The following ESCO1 variants were observed in gnomAD, a reference collection of about 807,000 sequenced individuals.
ESCO1 encodes the protein N-acetyltransferase ESCO1.
ESCO1 carries 33 observed loss-of-function variants against 83.5 expected under a neutral mutation model. The observed-to-expected ratio is 0.40, with a 90% CI of 0.30 to 0.53. The LOEUF (loss-of-function observed/expected upper bound fraction) is 0.53, where lower values mean the gene tolerates loss of function less well. Among genes scored for constraint, ESCO1 ranks in the 20% least tolerant of loss-of-function variants. The pLI, the probability that ESCO1 is intolerant of heterozygous loss-of-function variation, is 0.63. For synonymous variants in ESCO1, 332 were observed against 324.3 expected (o/e 1.02, Z -0.25); for missense variants, 855 against 968.0 (o/e 0.88, Z 1.55).
intron 1 of ESCO1, among the ~76,000 whole-genome samples, chr18:21,592,307 A>C (rs2038683463): frequency 7.0e-6 from 1 of 143,012 alleles, no homozygotes; most frequent in Non-Finnish European, 1.5e-5. Context: ...GGGGCTCCTC[A>C]CTTCCCAGTA....
intron 8 of ESCO1, among the ~76,000 whole-genome samples, chr18:21,555,438 CAGT>C (rs1288676166): frequency 1.3e-5 from 2 of 152,090 alleles, no homozygotes; most frequent in Non-Finnish European, 2.9e-5. Context: ...GTAGGTTCAC[CAGT>C]TATAACAAAT....
intron 11 of ESCO1, among the ~76,000 whole-genome samples, chr18:21,531,893 C>CAAAAAAAA (rs10646843): frequency 1.2e-5 from 1 of 81,992 alleles, no homozygotes; most frequent in South Asian, 5.8e-4. Flanking sequence ...GACTCCATCT[C>CAAAAAAAA]AAAAAAAAAA....
intron 8 of ESCO1, among the ~76,000 whole-genome samples, chr18:21,544,521 TGG>T (rs774202385): frequency 1.6e-4 from 24 of 150,750 alleles, no homozygotes; most frequent in Non-Finnish European, 2.5e-4. Context: ...CCCAGCTACT[TGG>T]GAGGCTGAGG....
intron 8 of ESCO1, among the ~76,000 whole-genome samples, chr18:21,558,566 T>A (rs190521187): frequency 2.0e-5 from 3 of 151,902 alleles, no homozygotes; most frequent in Non-Finnish European, 4.4e-5. Flanking sequence ...CCATCTCTAC[T>A]AAAAATACAA....
Position 21,573,306 on chromosome 18 carries a change from C to G in ESCO1, c.1530+8G>C. 1 of 1,555,078 alleles carries G rather than the reference C, an allele frequency of 6.4e-7. No homozygotes were observed. The highest frequency in any genetic ancestry group is 8.6e-7 in the Non-Finnish European group (1 of 1,159,698). Reference sequence around the variant, plus strand: ...GCACCTCTATTGTGCATAATAAAAACAGATTACCTTATTTGATGCTGAATC... The same window carrying G: ...GCACCTCTATTGTGCATAATAAAAAGAGATTACCTTATTTGATGCTGAATC... On this transcript the variant is annotated splice_region_variant and intron_variant, in intron 4 of 11. Transcript: ENST00000269214.
chr18:21,576,206 A>G, intron 2 of ESCO1, among the ~76,000 whole-genome samples: 1 of 152,222 alleles, frequency 6.6e-6, no homozygotes, highest in South Asian at 2.1e-4. Context: ...AAAAAGCAAT[A>G]GAGGGACTAA....
chr18:21,563,743 C>T, intron 7 of ESCO1, among the ~76,000 whole-genome samples: 1 of 152,086 alleles, frequency 6.6e-6, no homozygotes, highest in East Asian at 1.9e-4. Context: ...AAATACAATG[C>T]TGCTATGATT....
chr18:21,596,612 C>T (rs1282832830), intron 1 of ESCO1, among the ~76,000 whole-genome samples: 6 of 152,060 alleles, frequency 3.9e-5, no homozygotes, highest in Admixed American at 3.9e-4. Flanking sequence ...GTAGGGGGAT[C>T]ACCTGAGGTC....
rs909186969 is a variant in ESCO1 at position 21,574,044 on chromosome 18, T to C, written c.800A>G (p.His267Arg). The change falls in exon 4 of 12, where the codon CAT becomes CGT. Residue 267 changes from histidine to arginine, a missense_variant. Coordinates refer to ENST00000269214, the MANE Select transcript of ESCO1 (RefSeq NM_052911.3). ...TGTTGTGTTAGTATTCACTTGTGTA[T>C]GAACCGACTTCTTCATCTCATTCTT... ...PKKNEMKKSV[H>R]TQVNTNTTLP... 8 of 1,613,004 alleles carry C rather than the reference T, an allele frequency of 5.0e-6. No individual in the cohort carries two copies. The highest frequency in any genetic ancestry group is 5.9e-6 in the Non-Finnish European group (7 of 1,180,004).
rs185690090 is a variant in ESCO1, at chr18:21,549,042, C to T, written c.1954-9033G>A. ...TGTGTCTGGGTCTTTTAACCATTAGCTCCAGTATTTTGATCTCAAAAACTG... is the reference window on the plus strand; with the variant it reads ...TGTGTCTGGGTCTTTTAACCATTAGTTCCAGTATTTTGATCTCAAAAACTG... On this transcript the variant is annotated intron_variant, in intron 8 of 11. Transcript: ENST00000269214. 1.3e-4 allele frequency among the ~76,000 whole-genome samples: 20 copies of T among 152,274 alleles called. No homozygotes were observed. In the East Asian group the frequency reaches 3.3e-3, roughly 25 times the overall value.
chr18:21,586,837 C>A (rs1378242913), intron 1 of ESCO1, among the ~76,000 whole-genome samples: 2 of 152,104 alleles, frequency 1.3e-5, no homozygotes, highest in Non-Finnish European at 2.9e-5. Context: ...TCATCTTATT[C>A]CTAAGTTTAG....
At chr18:21,552,874 T>C (rs1453665755) in intron 8 of ESCO1, among the ~76,000 whole-genome samples, 8 of 152,104 alleles carry the variant, frequency 5.3e-5, no homozygotes, top group East Asian at 3.9e-4. Context: ...ATAAGTAACA[T>C]AGGAGAAAAA....
chr18:21,541,205 CT>C (rs1284090927), intron 8 of ESCO1, among the ~76,000 whole-genome samples: 2 of 152,086 alleles, frequency 1.3e-5, no homozygotes, highest in Non-Finnish European at 2.9e-5. Context: ...GTAAAATGTT[CT>C]CAAGATTTGA....
intron 8 of ESCO1, among the ~76,000 whole-genome samples, chr18:21,541,500 G>GGA (rs1277886478): frequency 6.6e-6 from 1 of 150,604 alleles, no homozygotes; most frequent in Non-Finnish European, 1.5e-5. Context: ...GGCTGAGGCA[G>GGA]GAGAATTGCT....
At chr18:21,566,102 G>C (rs145391889) in intron 6 of ESCO1, 44 bp downstream of exon 6, 1 of 1,568,310 alleles carries the variant, frequency 6.4e-7, no homozygotes, top group Non-Finnish European at 8.7e-7. Context: ...CTCAAAACTT[G>C]TAAGTTAAAA....
intron 4 of ESCO1, 123 bp from the exon 5 acceptor site, chr18:21,568,217 A>G (rs2038289129): frequency 4.5e-6 from 3 of 666,958 alleles, no homozygotes; most frequent in Non-Finnish European, 7.7e-6. Flanking sequence ...TAATACAGAC[A>G]TGAAGTCTCC....
rs1435296728 is a variant in ESCO1, at chr18:21,573,480, A to G, written c.1364T>C (p.Met455Thr). Residue 455 changes from methionine to threonine, a missense_variant, in exon 4 of 12, where the codon ATG becomes ACG. Coordinates refer to ENST00000269214, the MANE Select transcript of ESCO1 (RefSeq NM_052911.3). The stretch of plus-strand genomic sequence containing the variant: ...CACTTCTTCAGAATTAATTTCTTTC[A>G]TTTTTTCCTGCTGGCAAGTTATATT... ...DRNITCQQEK[M>T]KEINSEEVKI... The G allele has an allele frequency of 6.2e-7, 1 of 1,611,446 alleles. No individual in the cohort carries two copies. The highest frequency in any genetic ancestry group is 1.7e-5 in the Admixed American group (1 of 59,400).
At chr18:21,567,830 G>A (rs1193096676) in intron 5 of ESCO1, 150 bp downstream of exon 5, 10 of 577,288 alleles carry the variant, frequency 1.7e-5, no homozygotes, top group Non-Finnish European at 3.0e-5. Flanking sequence ...CTGAAAGCAT[G>A]GGTGATAGTC....
At chr18:21,536,694 G>T (rs905885286) in intron 9 of ESCO1, among the ~76,000 whole-genome samples, 1 of 152,108 alleles carries the variant, frequency 6.6e-6, no homozygotes, top group Non-Finnish European at 1.5e-5. Flanking sequence ...ACTGGAGGGG[G>T]ATGCCAAACC....
Sources: allele counts gnomAD v4.1 joint callset (sites outside exome capture counted in the v4.1 genomes callset), GRCh38; gene constraint gnomAD v4.1.1; transcripts MANE v1.5; gene names NCBI Gene and HGNC (gene_info 2026-07-23, HGNC 2026-07-21).